STRA6: variants seen among roughly 807,000 people sequenced by gnomAD.
STRA6 encodes the protein receptor for retinol uptake STRA6.
In STRA6, 48 loss-of-function variants were observed where a neutral mutation model predicts 83.6. The observed-to-expected ratio is 0.57, with a 90% confidence interval of 0.46 to 0.73. The LOEUF (loss-of-function observed/expected upper bound fraction) is 0.73, where lower values mean the gene tolerates loss of function less well. STRA6 is among the 30% of genes least tolerant of loss of function. The pLI, the probability that STRA6 is intolerant of heterozygous loss-of-function variation, is 0.00. For synonymous variants in STRA6, 353 were observed against 362.3 expected, an observed-to-expected ratio of 0.97 and a Z score of 0.29; for missense variants, 760 against 838.8, an observed-to-expected ratio of 0.91 and a Z score of 1.16.
intron 2 of STRA6, among the ~76,000 whole-genome samples, chr15:74,198,875 C>A (rs1445002097): frequency 6.6e-6 from 1 of 152,214 alleles, no homozygotes; most frequent in African/African-American, 2.4e-5. Flanking sequence ...AGATAGGGGT[C>A]ACTGAGGACA....
intron 7 of STRA6, chr15:74,194,745 G>A (rs1189167778): frequency 4.0e-6 from 5 of 1,245,410 alleles, no homozygotes. Flanking sequence ...ATGAATGGGT[G>A]AGTGAATGAA....
chr15:74,201,051 G>A (rs890829040), intron 2 of STRA6, among the ~76,000 whole-genome samples: 1 of 152,160 alleles, frequency 6.6e-6, no homozygotes, highest in Non-Finnish European at 1.5e-5. Flanking sequence ...GAGCCCACAG[G>A]CTCTCGGTCA....
At chr15:74,202,632 G>T (rs554750240) in intron 1 of STRA6, 81 bp downstream of exon 1, 4 of 1,431,192 alleles carry the variant, frequency 2.8e-6, no homozygotes, top group Non-Finnish European at 3.6e-6. Flanking sequence ...TTCAAAGAAG[G>T]CTTGTCCAGT....
At chr15:74,195,134 A>G in intron 7 of STRA6, 168 bp downstream of exon 7, 2 of 1,503,240 alleles carry the variant, frequency 1.3e-6, no homozygotes, top group African/African-American at 2.8e-5. Flanking sequence ...CCTCTCCTGC[A>G]GAGCAGCCAA....
chr15:74,191,125 A>G (rs770886148), intron 10 of STRA6, 42 bp downstream of exon 10: 1 of 1,608,828 alleles, frequency 6.2e-7, no homozygotes, highest in South Asian at 1.1e-5. Context: ...AAGGGAGGGT[A>G]ACGTCCCCTG....
intron 8 of STRA6, among the ~76,000 whole-genome samples, chr15:74,193,290 C>G (rs1018477656): frequency 1.3e-5 from 2 of 152,208 alleles, no homozygotes; most frequent in African/African-American, 4.8e-5. Context: ...CTTATTCTCT[C>G]ATCACTCTAG....
chr15:74,189,316 G>C, intron 11 of STRA6, 39 bp from the exon 12 acceptor site: 1 of 1,561,648 alleles, frequency 6.4e-7, no homozygotes, highest in Non-Finnish European at 8.7e-7. Flanking sequence ...TCCCAGGAAA[G>C]GGTTTTCTGT....
intron 14 of STRA6, 34 bp downstream of exon 14, chr15:74,183,822 C>A (rs1430112161): frequency 1.9e-6 from 3 of 1,613,628 alleles, no homozygotes; most frequent in Middle Eastern, 1.7e-4. Flanking sequence ...GAGGCCCAGG[C>A]CAAGGCTGGG....
chr15:74,206,944 A>T (rs529988961), upstream of STRA6, among the ~76,000 whole-genome samples: 1 of 152,348 alleles, frequency 6.6e-6, no homozygotes, highest in South Asian at 2.1e-4. Flanking sequence ...CGGGTGGCTA[A>T]GCCCTGCTCA....
intron 11 of STRA6, among the ~76,000 whole-genome samples, chr15:74,190,049 T>C (rs2073454792): frequency 6.6e-6 from 1 of 152,226 alleles, no homozygotes; most frequent in African/African-American, 2.4e-5. Flanking sequence ...GTGTAGGCTA[T>C]ATGCAAATAC....
At chr15:74,191,083 G>T in intron 10 of STRA6, 84 bp downstream of exon 10, 1 of 1,580,490 alleles carries the variant, frequency 6.3e-7, no homozygotes. Context: ...CTGGGGAGCA[G>T]GAGCCAGTCC....
In STRA6 at chr15:74,202,748, A is replaced by G; in HGVS notation, c.-51T>C. ...GCCCAGGGAGGAAGGAGTTGCAGAG[A>G]TGAAAGGGTAGGCAGCCCACGGCCA... is the stretch of plus-strand genomic sequence containing the variant. On this transcript the variant is annotated 5_prime_UTR_variant, in exon 1 of 19. Transcript: ENST00000395105. 3.3e-6 allele frequency: 4 copies of G among 1,227,066 alleles called. No individual in the cohort carries two copies. The highest frequency in any genetic ancestry group is 4.1e-6 in the Non-Finnish European group (4 of 984,724). The allele number at this position is 1,227,066 out of a possible 1,614,324, so 76.0% of individuals were successfully genotyped here.
chr15:74,196,588 C>A (rs545444974), intron 4 of STRA6, among the ~76,000 whole-genome samples: 1 of 152,352 alleles, frequency 6.6e-6, no homozygotes, highest in South Asian at 2.1e-4. Context: ...GGGCTCAGGG[C>A]AAGCCACTCA....
intron 18 of STRA6, among the ~76,000 whole-genome samples, chr15:74,180,519 A>T (rs2072922004): frequency 6.6e-6 from 1 of 152,094 alleles, no homozygotes; most frequent in South Asian, 2.1e-4. Context: ...CCCAAGGGAG[A>T]AGCGGGGGCA....
At chr15:74,199,142 G>C (rs925378320) in intron 2 of STRA6, among the ~76,000 whole-genome samples, 2 of 152,216 alleles carry the variant, frequency 1.3e-5, no homozygotes, top group Non-Finnish European at 2.9e-5. Context: ...CCTGCACAGA[G>C]GGCTTAGCCG....
At chr15:74,209,420 A>T (rs978665180), upstream of STRA6, 12 of 1,535,488 alleles carry the variant, frequency 7.8e-6, no homozygotes, top group African/African-American at 1.1e-4. Context: ...CCAGAGGGGA[A>T]CCACCAGCTC....
chr15:74,198,564 GAT>G (rs1209544487), intron 2 of STRA6, among the ~76,000 whole-genome samples: 3 of 152,224 alleles, frequency 2.0e-5, no homozygotes, highest in African/African-American at 7.2e-5. Context: ...TTGGCCCTGT[GAT>G]TCGCCCTCTA....
intron 13 of STRA6, 33 bp from the exon 14 acceptor site, chr15:74,184,022 G>A: frequency 6.2e-7 from 1 of 1,609,788 alleles, no homozygotes; most frequent in Non-Finnish European, 8.5e-7. Flanking sequence ...AGAGACCTCA[G>A]GGAGCAACAC....
At chr15:74,185,383 TG>T (rs1282054225) in intron 12 of STRA6, among the ~76,000 whole-genome samples, 1 of 152,260 alleles carries the variant, frequency 6.6e-6, no homozygotes, top group Non-Finnish European at 1.5e-5. Context: ...CACTGCTTCT[TG>T]GCCATGTGGC....
Sources: gnomAD v4.1 joint callset for allele counts (sites outside exome capture counted in the v4.1 genomes callset) on GRCh38, gnomAD v4.1.1 for gene constraint, MANE v1.5 for transcripts, NCBI Gene and HGNC (gene_info 2026-07-23, HGNC 2026-07-21) for gene names.